The following EVL variants were observed in gnomAD, a reference collection of about 807,000 sequenced individuals.
The protein encoded by EVL is Enah/Vasp-like.
In EVL, 21 loss-of-function variants were observed where a neutral mutation model predicts 59.6. That is an observed-to-expected ratio of 0.35 (90% CI 0.25 to 0.51). The LOEUF is 0.51. Ranked by LOEUF, EVL falls within the 20% of genes least tolerant of loss-of-function variation. The pLI is 0.97. For synonymous variants in EVL, 198 were observed against 203.5 expected, an observed-to-expected ratio of 0.97 and a Z score of 0.23; for missense variants, 462 against 546.6, an observed-to-expected ratio of 0.85 and a Z score of 1.54.
intron 1 of EVL, chr14:99,977,534 G>A (rs1006331721): frequency 2.6e-5 from 4 of 152,266 alleles, no homozygotes; most frequent in Non-Finnish European, 4.4e-5. Flanking sequence ...GAGTAGCTGG[G>A]ATTACAGACA....
intron 1 of EVL, among the ~76,000 whole-genome samples, chr14:100,023,968 C>T (rs1320001949): frequency 6.6e-6 from 1 of 152,104 alleles, no homozygotes; most frequent in Non-Finnish European, 1.5e-5. Flanking sequence ...GTGACTTTTT[C>T]CCCCATAATC....
At chr14:99,994,392 A>T in intron 1 of EVL, among the ~76,000 whole-genome samples, 1 of 150,194 alleles carries the variant, frequency 6.7e-6, no homozygotes. Flanking sequence ...TTTTTTTTGT[A>T]GTGACATATT....
At chr14:100,066,599 A>G (rs1316945371) in intron 1 of EVL, 15 of 152,234 alleles carry the variant, frequency 9.9e-5, no homozygotes, top group Admixed American at 9.8e-4. Flanking sequence ...TTAACTTTAG[A>G]GGACTCGTGA....
At chr14:100,120,215 G>A (rs987133420) in intron 3 of EVL, among the ~76,000 whole-genome samples, 1 of 152,118 alleles carries the variant, frequency 6.6e-6, no homozygotes, top group Admixed American at 6.5e-5. Context: ...CACCTCCTAG[G>A]TTTTTCTTTT....
chr14:100,086,715 G>A (rs2062451466), intron 2 of EVL, among the ~76,000 whole-genome samples: 1 of 152,224 alleles, frequency 6.6e-6, no homozygotes, highest in Non-Finnish European at 1.5e-5. Context: ...GTGGTATCCT[G>A]TTTAAATTTG....
At chr14:99,981,528 A>G (rs73345461) in intron 1 of EVL, among the ~76,000 whole-genome samples, 14,080 of 152,264 alleles carry the variant, frequency 0.092, 679 homozygotes, top group Admixed American at 0.1. Flanking sequence ...TTCCCCTTTA[A>G]AGAGAATATG....
intron 1 of EVL, among the ~76,000 whole-genome samples, chr14:100,071,021 C>G (rs1001294388): frequency 6.6e-6 from 1 of 152,102 alleles, no homozygotes; most frequent in African/African-American, 2.4e-5. Context: ...ATGTCAGACT[C>G]CCCCAACAGT....
At chr14:99,985,241 T>C (rs972823543) in intron 1 of EVL, among the ~76,000 whole-genome samples, 2 of 151,832 alleles carry the variant, frequency 1.3e-5, no homozygotes, top group African/African-American at 4.8e-5. Flanking sequence ...AAGAATAGCA[T>C]GGGGCATATG....
intron 1 of EVL, among the ~76,000 whole-genome samples, chr14:100,007,460 T>C (rs1002805468): frequency 6.6e-6 from 1 of 152,192 alleles, no homozygotes; most frequent in African/African-American, 2.4e-5. Context: ...CAAGATTTAT[T>C]TTCCTTTCAC....
chr14:100,002,247 C>A (rs2060950438), intron 1 of EVL, among the ~76,000 whole-genome samples: 1 of 152,116 alleles, frequency 6.6e-6, no homozygotes, highest in South Asian at 2.1e-4. Context: ...TCACAATCTC[C>A]AAAGTTATCA....
chr14:100,006,970 G>A (rs1050648961), intron 1 of EVL, among the ~76,000 whole-genome samples: 5 of 152,106 alleles, frequency 3.3e-5, no homozygotes, highest in Non-Finnish European at 7.3e-5. Context: ...AGCACCAGTA[G>A]GAGATTTGTC....
intron 1 of EVL, among the ~76,000 whole-genome samples, chr14:99,986,155 G>A (rs566061894): frequency 6.6e-6 from 1 of 151,838 alleles, no homozygotes; most frequent in Admixed American, 6.6e-5. Context: ...AGCCAGACGT[G>A]GTGGCATGTG....
At chr14:100,091,086 G>T (rs763845653) in intron 2 of EVL, among the ~76,000 whole-genome samples, 1 of 152,146 alleles carries the variant, frequency 6.6e-6, no homozygotes, top group Admixed American at 6.6e-5. Context: ...TTTCATCGAC[G>T]CTTCCTAGCT....
At chr14:100,038,823 A>G (rs998093216) in intron 1 of EVL, among the ~76,000 whole-genome samples, 3 of 110,638 alleles carry the variant, frequency 2.7e-5, no homozygotes, top group African/African-American at 8.6e-5. Flanking sequence ...AAGAAAGAAT[A>G]TAACTTTGTA....
At chr14:100,104,500 T>C (rs560320454) in intron 3 of EVL, among the ~76,000 whole-genome samples, 11 of 152,336 alleles carry the variant, frequency 7.2e-5, no homozygotes, top group African/African-American at 2.6e-4. Context: ...GCCACTTGGT[T>C]TATTTGAGAC....
At chr14:100,019,473 C>A (rs781369832) in intron 1 of EVL, 2 of 538,040 alleles carry the variant, frequency 3.7e-6, no homozygotes, top group Non-Finnish European at 6.4e-6. Flanking sequence ...TGTTAGCTGC[C>A]GCTTGTCAGC....
intron 1 of EVL, among the ~76,000 whole-genome samples, chr14:100,047,145 T>A (rs763163232): frequency 1.4e-3 from 178 of 128,078 alleles, no homozygotes; most frequent in Non-Finnish European, 1.5e-3. Flanking sequence ...TTTTTTTTTT[T>A]ACCTGACCCC....
At chr14:100,113,841 C>T (rs964000922) in intron 3 of EVL, among the ~76,000 whole-genome samples, 4 of 151,992 alleles carry the variant, frequency 2.6e-5, no homozygotes, top group Admixed American at 6.6e-5. Flanking sequence ...GTCAGGGCAC[C>T]GGGACAGGCA....
At chr14:99,982,697 T>A (rs2140171688) in intron 1 of EVL, among the ~76,000 whole-genome samples, 1 of 152,336 alleles carries the variant, frequency 6.6e-6, no homozygotes, top group Admixed American at 6.5e-5. Flanking sequence ...ATTGTCTTTG[T>A]CTTTAGGGCT....
Sources: gnomAD v4.1 joint callset for allele counts (sites outside exome capture counted in the v4.1 genomes callset) on GRCh38, gnomAD v4.1.1 for gene constraint, MANE v1.5 for transcripts, NCBI Gene and HGNC (gene_info 2026-07-23, HGNC 2026-07-21) for gene names.